The following ZNF385D variants were observed in gnomAD, a reference collection of about 807,000 sequenced individuals.
ZNF385D encodes zinc finger protein 385D, also known as zinc finger protein 659.
A neutral mutation model predicts 35.8 loss-of-function variants in ZNF385D; 15 were observed. The ratio of observed to expected loss-of-function variants is 0.42; its 90% CI spans 0.28 to 0.64. The LOEUF (loss-of-function observed/expected upper bound fraction) is 0.64, where lower values mean the gene tolerates loss of function less well. Among genes scored for constraint, ZNF385D ranks in the 30% least tolerant of loss-of-function variants. ZNF385D has a pLI of 0.23. For synonymous variants in ZNF385D, 212 were observed against 186.8 expected (o/e 1.13, Z -1.10); for missense variants, 474 against 494.6 (o/e 0.96, Z 0.39).
chr3:22,244,635 G>C (rs1026139204), intron 2 of ZNF385D, among the ~76,000 whole-genome samples: 1 of 150,764 alleles, frequency 6.6e-6, no homozygotes, highest in Non-Finnish European at 1.5e-5. Context: ...AATAGTATGG[G>C]TTTCAAAAGT....
At chr3:22,244,364 T>TAAAA (rs34497539) in intron 2 of ZNF385D, among the ~76,000 whole-genome samples, 2 of 62,558 alleles carry the variant, frequency 3.2e-5, no homozygotes, top group African/African-American at 5.2e-5. Flanking sequence ...CAACCGAATG[T>TAAAA]AAAAAAAAAA....
At chr3:21,544,437 G>A (rs1283877173) in intron 3 of ZNF385D, among the ~76,000 whole-genome samples, 3 of 152,110 alleles carry the variant, frequency 2.0e-5, no homozygotes, top group Non-Finnish European at 4.4e-5. Flanking sequence ...AATGTGTTTT[G>A]TGTTTTTTTT....
At chr3:22,259,125 T>C (rs1179696844) in intron 2 of ZNF385D, among the ~76,000 whole-genome samples, 2 of 151,936 alleles carry the variant, frequency 1.3e-5, no homozygotes, top group Non-Finnish European at 2.9e-5. Context: ...TCTCTTGCAC[T>C]ACTCTGTAAC....
intron 2 of ZNF385D, among the ~76,000 whole-genome samples, 192 bp from the exon 3 acceptor site, chr3:21,564,876 TATG>T (rs2063087723): frequency 6.6e-6 from 1 of 152,200 alleles, no homozygotes; most frequent in African/African-American, 2.4e-5. Context: ...CAAAGCTCAG[TATG>T]ATAAGGAAAT....
At chr3:22,342,028 C>T (rs1395914525) in intron 2 of ZNF385D, among the ~76,000 whole-genome samples, 1 of 152,048 alleles carries the variant, frequency 6.6e-6, no homozygotes, top group Non-Finnish European at 1.5e-5. Flanking sequence ...GTAATCCCAG[C>T]ACTTTGGGAG....
chr3:22,170,321 T>C (rs1271392731), intron 2 of ZNF385D, among the ~76,000 whole-genome samples: 1 of 152,184 alleles, frequency 6.6e-6, no homozygotes, highest in Non-Finnish European at 1.5e-5. Flanking sequence ...GACTTTGGAA[T>C]CAGGTAAATG....
Position 21,421,458 on chromosome 3 carries a change from G to A in ZNF385D, c.955-11C>T. On this transcript the variant is annotated splice_polypyrimidine_tract_variant and intron_variant, in intron 7 of 7. Coordinates refer to ENST00000281523, the MANE Select transcript of ZNF385D (RefSeq NM_024697.3). ...AAATACTAATTTTACCTGCAAGGGA[G>A]AAAAAATATTGTAAAAAAAACAACA... 6.3e-7 allele frequency: 1 copy of A among 1,583,598 alleles called. No individual in the cohort carries two copies. The highest frequency in any genetic ancestry group is 8.6e-7 in the Non-Finnish European group (1 of 1,159,746).
chr3:21,547,627 T>G (rs1265309201), intron 3 of ZNF385D, among the ~76,000 whole-genome samples: 4 of 151,680 alleles, frequency 2.6e-5, no homozygotes, highest in African/African-American at 7.3e-5. Flanking sequence ...TTTGTTTTTT[T>G]TTTTTTGAGA....
chr3:21,576,139 G>T (rs531894319), intron 2 of ZNF385D, among the ~76,000 whole-genome samples: 1 of 152,060 alleles, frequency 6.6e-6, no homozygotes, highest in Non-Finnish European at 1.5e-5. Flanking sequence ...TGGTTTATCC[G>T]GTTCTCTCAT....
At chr3:21,908,018 A>G (rs987892677) in intron 3 of ZNF385D, among the ~76,000 whole-genome samples, 1 of 152,152 alleles carries the variant, frequency 6.6e-6, no homozygotes, top group Non-Finnish European at 1.5e-5. Context: ...TGAAGATACC[A>G]TATTCAACAT....
intron 1 of ZNF385D, among the ~76,000 whole-genome samples, chr3:21,679,725 G>T (rs2066841146): frequency 6.6e-6 from 1 of 151,958 alleles, no homozygotes; most frequent in South Asian, 2.1e-4. Flanking sequence ...TGGAGGGAGG[G>T]AGACTAGCAG....
chr3:22,264,015 C>A (rs908240554), intron 2 of ZNF385D, among the ~76,000 whole-genome samples: 1 of 151,948 alleles, frequency 6.6e-6, no homozygotes, highest in Non-Finnish European at 1.5e-5. Flanking sequence ...GCTGTCATAA[C>A]TGTAGTCATG....
chr3:21,582,654 A>C (rs898853754), intron 2 of ZNF385D, among the ~76,000 whole-genome samples: 1 of 152,242 alleles, frequency 6.6e-6, no homozygotes, highest in Non-Finnish European at 1.5e-5. Flanking sequence ...AAAACCTTAA[A>C]GATTAAGTCC....
At chr3:22,371,472 C>T (rs763215329) in intron 2 of ZNF385D, among the ~76,000 whole-genome samples, 3 of 152,134 alleles carry the variant, frequency 2.0e-5, no homozygotes, top group Non-Finnish European at 2.9e-5. Flanking sequence ...CCAGAAACCA[C>T]GCATCACTCG....
intron 4 of ZNF385D, among the ~76,000 whole-genome samples, chr3:21,438,766 T>C (rs1701705207): frequency 6.6e-6 from 1 of 152,144 alleles, no homozygotes; most frequent in South Asian, 2.1e-4. Flanking sequence ...TTCAAAATCA[T>C]GCTGCAAATC....
chr3:21,777,796 C>T (rs2071345431), intron 3 of ZNF385D: 2 of 151,866 alleles, frequency 1.3e-5, no homozygotes, highest in Non-Finnish European at 2.9e-5. Context: ...CATATTTTAG[C>T]CTAGCTTTCT....
chr3:21,538,090 G>T (rs189110771), intron 3 of ZNF385D, among the ~76,000 whole-genome samples: 49 of 152,208 alleles, frequency 3.2e-4, no homozygotes, highest in African/African-American at 1.2e-3. Context: ...AATATGTTTA[G>T]CCAGTGGAAC....
chr3:21,862,200 C>T (rs1380183621), intron 3 of ZNF385D, among the ~76,000 whole-genome samples: 2 of 151,826 alleles, frequency 1.3e-5, no homozygotes, highest in Admixed American at 1.3e-4. Flanking sequence ...TACCTTAACT[C>T]ATAGTTCCAC....
At chr3:22,110,608 A>G (rs1702469317) in intron 3 of ZNF385D, among the ~76,000 whole-genome samples, 1 of 151,832 alleles carries the variant, frequency 6.6e-6, no homozygotes, top group African/African-American at 2.4e-5. Flanking sequence ...TGGACACAGG[A>G]AGGGGAACAT....
Sources: allele counts gnomAD v4.1 joint callset (sites outside exome capture counted in the v4.1 genomes callset), GRCh38; gene constraint gnomAD v4.1.1; transcripts MANE v1.5; gene names NCBI Gene and HGNC (gene_info 2026-07-23, HGNC 2026-07-21).